The following BCKDHB variants were observed in gnomAD, a reference collection of about 807,000 sequenced individuals.
BCKDHB encodes the protein branched chain keto acid dehydrogenase E1 subunit beta, also known as 2-oxoisovalerate dehydrogenase subunit beta, mitochondrial.
A neutral mutation model predicts 48.5 loss-of-function variants in BCKDHB; 41 were observed. That is an observed-to-expected ratio of 0.85 (90% CI 0.66 to 1.10). The LOEUF (loss-of-function observed/expected upper bound fraction) is 1.10. Ranked by LOEUF, BCKDHB falls within the 50% of genes least tolerant of loss-of-function variation. The pLI is 0.00. For missense variants in BCKDHB, 496 were observed against 494.2 expected (o/e 1.00, Z -0.03); for synonymous variants, 201 against 174.8 (o/e 1.15, Z -1.18).
intron 9 of BCKDHB, among the ~76,000 whole-genome samples, chr6:80,336,457 A>T (rs910486728): frequency 7.2e-6 from 1 of 138,370 alleles, no homozygotes; most frequent in African/African-American, 2.7e-5. Context: ...ATTCAGTTCC[A>T]TTCTTTAACT....
chr6:80,446,801 T>C, the BCKDHB span, among the ~76,000 whole-genome samples: 699 of 139,800 alleles, frequency 5.0e-3, 6 homozygotes, highest in African/African-American at 0.017. Flanking sequence ...GGTGGGAAAA[T>C]TTATCACAGG....
intron 9 of BCKDHB, among the ~76,000 whole-genome samples, chr6:80,327,580 CA>C (rs1769096045): frequency 6.6e-6 from 1 of 152,126 alleles, no homozygotes; most frequent in Non-Finnish European, 1.5e-5. Context: ...TGCATTTCAC[CA>C]TGAAAGAGTT....
At chr6:80,401,786 A>G in the BCKDHB span, among the ~76,000 whole-genome samples, 1 of 151,794 alleles carries the variant, frequency 6.6e-6, no homozygotes, top group South Asian at 2.1e-4. Context: ...TACTTCTGTG[A>G]GTTTGAATAT....
At chr6:80,315,735 C>T (rs902904102) in intron 9 of BCKDHB, among the ~76,000 whole-genome samples, 3 of 152,102 alleles carry the variant, frequency 2.0e-5, no homozygotes, top group East Asian at 1.9e-4. Context: ...CCTTCCACGT[C>T]GGCCTGCCAA....
intron 8 of BCKDHB, among the ~76,000 whole-genome samples, chr6:80,253,157 A>G (rs1420972167): frequency 6.6e-6 from 1 of 152,218 alleles, no homozygotes. Flanking sequence ...TGCTAGGCTT[A>G]AGATGGGGAA....
intron 6 of BCKDHB, among the ~76,000 whole-genome samples, chr6:80,197,851 A>G (rs1774198601): frequency 6.6e-6 from 1 of 152,160 alleles, no homozygotes; most frequent in Admixed American, 6.6e-5. Flanking sequence ...AAGACCTGCT[A>G]AGTAGAATAT....
At chr6:80,397,977 C>T in the BCKDHB span, among the ~76,000 whole-genome samples, 2 of 152,158 alleles carry the variant, frequency 1.3e-5, no homozygotes, top group African/African-American at 2.4e-5. Flanking sequence ...TTCTGGGTTA[C>T]TTGTGGGTAA....
At chr6:80,174,413 C>G (rs954914142) in intron 6 of BCKDHB, among the ~76,000 whole-genome samples, 2 of 152,050 alleles carry the variant, frequency 1.3e-5, no homozygotes, top group African/African-American at 4.8e-5. Flanking sequence ...CCCCTCTACC[C>G]CAATACCAAA....
Position 80,106,752 on chromosome 6 carries a change from AG to A in BCKDHB, c.63del (p.His22ThrfsTer50). 1 of 1,573,682 alleles carries A rather than the reference AG, an allele frequency of 6.4e-7. No individual in the cohort carries two copies. Among genetic ancestry groups the A allele is most frequent in the East Asian group, 2.4e-5 (1 of 42,448 alleles). On this transcript the variant is annotated frameshift_variant, in exon 1 of 10. Coordinates refer to ENST00000320393, the MANE Select transcript of BCKDHB (RefSeq NM_183050.4). LOFTEE classifies it high-confidence loss of function. ...WLLRLRAAGA[E>X]GHWRRLPGAG... is the part of the protein sequence containing the mutation. ...CTCAGGCTCAGGGCGGCAGGGGCTGAGGGGCACTGGCGTCGGCTTCCTGGCG... is the reference window on the plus strand; with the variant it reads ...CTCAGGCTCAGGGCGGCAGGGGCTGAGGGCACTGGCGTCGGCTTCCTGGCG...
intron 8 of BCKDHB, among the ~76,000 whole-genome samples, chr6:80,272,285 A>C (rs1311833678): frequency 6.6e-6 from 1 of 152,164 alleles, no homozygotes; most frequent in Non-Finnish European, 1.5e-5. Flanking sequence ...GAAAGATTTC[A>C]TTTTATATTT....
chr6:80,138,228 A>G (rs113400021), intron 3 of BCKDHB, among the ~76,000 whole-genome samples: 236 of 152,220 alleles, frequency 1.6e-3, no homozygotes, highest in Non-Finnish European at 2.4e-3. Flanking sequence ...TTTGTACTAT[A>G]TATTTTTCCC....
At chr6:80,392,830 A>G in the BCKDHB span, among the ~76,000 whole-genome samples, 2 of 149,616 alleles carry the variant, frequency 1.3e-5, no homozygotes, top group Admixed American at 6.7e-5. Flanking sequence ...GGGTCATTCT[A>G]ATTCCCACTC....
chr6:80,275,160 AT>A, intron 9 of BCKDHB, among the ~76,000 whole-genome samples: 1 of 152,102 alleles, frequency 6.6e-6, no homozygotes, highest in Middle Eastern at 3.4e-3. Context: ...CCTAGTCTAT[AT>A]TTTGAGAAAT....
At chr6:80,337,990 A>C (rs1769683854) in intron 9 of BCKDHB, among the ~76,000 whole-genome samples, 1 of 152,214 alleles carries the variant, frequency 6.6e-6, no homozygotes, top group South Asian at 2.1e-4. Flanking sequence ...CTATATAAGA[A>C]GTAGGAACAT....
At chr6:80,448,175 G>A in the BCKDHB span, among the ~76,000 whole-genome samples, 2 of 152,102 alleles carry the variant, frequency 1.3e-5, no homozygotes, top group East Asian at 1.9e-4. Context: ...TGATAGCAAA[G>A]TCCCTGAGAC....
intron 8 of BCKDHB, among the ~76,000 whole-genome samples, chr6:80,216,645 C>T (rs886150897): frequency 1.3e-5 from 2 of 152,074 alleles, no homozygotes; most frequent in African/African-American, 4.8e-5. Flanking sequence ...GAAAGAAATC[C>T]GTTACCTCAT....
chr6:80,414,104 T>TA, the BCKDHB span, among the ~76,000 whole-genome samples: 5 of 152,056 alleles, frequency 3.3e-5, no homozygotes, highest in African/African-American at 1.2e-4. Context: ...TCTTTTTTTT[T>TA]AAAAGTGTCT....
At chr6:80,246,327 T>G (rs997984173) in intron 8 of BCKDHB, among the ~76,000 whole-genome samples, 6 of 152,206 alleles carry the variant, frequency 3.9e-5, no homozygotes, top group Non-Finnish European at 8.8e-5. Context: ...TCGCCTCCCC[T>G]ATGTATCTTG....
At chr6:80,328,411 G>A (rs547245748) in intron 9 of BCKDHB, among the ~76,000 whole-genome samples, 5 of 152,192 alleles carry the variant, frequency 3.3e-5, no homozygotes, top group South Asian at 2.1e-4. Context: ...AAGGACTCTC[G>A]TCTCCTTTCT....
Sources: allele counts gnomAD v4.1 joint callset (sites outside exome capture counted in the v4.1 genomes callset), GRCh38; gene constraint gnomAD v4.1.1; transcripts MANE v1.5; gene names NCBI Gene and HGNC (gene_info 2026-07-23, HGNC 2026-07-21).